Variants in DIAPH3 observed in about 807,000 individuals in gnomAD.
DIAPH3 encodes the protein protein diaphanous homolog 3.
In DIAPH3, 117 loss-of-function variants were observed where a neutral mutation model predicts 144.3. The observed-to-expected ratio is 0.81, with a 90% CI of 0.70 to 0.95. DIAPH3 has a LOEUF of 0.95. Ranked by LOEUF, DIAPH3 falls within the 40% of genes least tolerant of loss-of-function variation. DIAPH3 has a pLI of 0.00. For missense variants in DIAPH3, 1,421 were observed against 1,412.7 expected (o/e 1.01, Z -0.09); for synonymous variants, 519 against 488.9 (o/e 1.06, Z -0.81).
In DIAPH3 at chr13:59,894,175, C is replaced by T. The variant is rs546196017; in HGVS notation, c.2368-14707G>A. ...CTTCAGTAATAAAGTATACCCGTTG[C>T]TATTGTCTGAGGATATCAGAAGGGC... On this transcript the variant is annotated intron_variant, in intron 20 of 27. Coordinates refer to ENST00000400324, the MANE Select transcript of DIAPH3 (RefSeq NM_001042517.2). 2.6e-5 allele frequency among the ~76,000 whole-genome samples: 4 copies of T among 151,824 alleles called. No homozygotes were observed. In the South Asian group the frequency reaches 8.3e-4, roughly 32 times the overall value.
Position 59,962,723 on chromosome 13 carries a change from C to T in DIAPH3, c.2074+7221G>A, listed in dbSNP as rs533872172. Among the ~76,000 whole-genome samples, 4 of 151,992 alleles carry T rather than the reference C, an allele frequency of 2.6e-5. No homozygotes were observed. The South Asian group carries it at 8.3e-4, about 32-fold the overall frequency. ...TTGCATCCTGACCCTTAAAAAAAAA[C>T]ACATTTACACTCCAGCATCTCTGTG... is the stretch of plus-strand genomic sequence containing the variant. On this transcript the variant is annotated intron_variant, in intron 17 of 27. Coordinates refer to ENST00000400324, the MANE Select transcript of DIAPH3 (RefSeq NM_001042517.2).
At chr13:60,048,813 G>A (rs1051787902) in intron 4 of DIAPH3, among the ~76,000 whole-genome samples, 1 of 52,106 alleles carries the variant, frequency 1.9e-5, no homozygotes, top group African/African-American at 7.9e-5. Flanking sequence ...TACTAGAGTA[G>A]TGAGAATTTG....
intron 26 of DIAPH3, 33 bp from the exon 27 acceptor site, chr13:59,774,281 T>G (rs990598876): frequency 6.4e-7 from 1 of 1,562,870 alleles, no homozygotes; most frequent in African/African-American, 1.4e-5. Context: ...AAACTTAATA[T>G]AGAGGTCTGG....
chr13:59,726,062 A>G lies in DIAPH3; in HGVS notation c.3319+48127T>C, dbSNP rs542437082. ...ATAGCTGCCATATTTAACAGAATAT[A>G]AAAAGCCTATTCCATTCTATGAATT... On this transcript the variant is annotated intron_variant, in intron 27 of 27. Transcript: ENST00000400324. Among the ~76,000 whole-genome samples, 74 of 152,376 alleles carry G rather than the reference A, an allele frequency of 4.9e-4. No homozygotes were observed. In the South Asian group the frequency reaches 0.01, roughly 21 times the overall value.
intron 25 of DIAPH3, among the ~76,000 whole-genome samples, chr13:59,809,244 G>A (rs1485358594): frequency 6.6e-6 from 1 of 152,184 alleles, no homozygotes; most frequent in Non-Finnish European, 1.5e-5. Flanking sequence ...GCTCACGCCT[G>A]TAATCCCAGC....
At chr13:60,028,744 A>G (rs1331009003) in intron 5 of DIAPH3, among the ~76,000 whole-genome samples, 2 of 152,096 alleles carry the variant, frequency 1.3e-5, no homozygotes, top group Non-Finnish European at 2.9e-5. Context: ...TCTTTTAAAC[A>G]TGTCAAACTT....
At chr13:59,764,963 C>T (rs1295833447) in intron 27 of DIAPH3, among the ~76,000 whole-genome samples, 1 of 152,068 alleles carries the variant, frequency 6.6e-6, no homozygotes, top group Non-Finnish European at 1.5e-5. Flanking sequence ...ATCGTTTTCT[C>T]CATCCTTCCC....
At chr13:59,774,101 A>C in intron 27 of DIAPH3, 88 bp downstream of exon 27, 1 of 1,309,932 alleles carries the variant, frequency 7.6e-7, no homozygotes, top group South Asian at 1.3e-5. Context: ...TTGGAACTTG[A>C]GAATTTCACA....
At chr13:59,731,220 T>A (rs1281828299) in intron 27 of DIAPH3, among the ~76,000 whole-genome samples, 1 of 152,194 alleles carries the variant, frequency 6.6e-6, no homozygotes, top group Non-Finnish European at 1.5e-5. Flanking sequence ...AAGGTGGACA[T>A]GTAAAGTCTA....
chr13:60,145,635 C>T (rs1279893991), intron 1 of DIAPH3, among the ~76,000 whole-genome samples: 2 of 152,138 alleles, frequency 1.3e-5, no homozygotes, highest in Admixed American at 1.3e-4. Flanking sequence ...GGTGACAGAG[C>T]GAGACTCCGT....
At chr13:59,833,019 C>T in intron 24 of DIAPH3, 88 bp downstream of exon 24, 1 of 998,928 alleles carries the variant, frequency 1.0e-6, no homozygotes, top group Non-Finnish European at 1.5e-6. Flanking sequence ...GGTTTTCCTA[C>T]AGCAACAAGA....
At chr13:59,687,928 G>A (rs1345963136) in intron 27 of DIAPH3, among the ~76,000 whole-genome samples, 1 of 151,976 alleles carries the variant, frequency 6.6e-6, no homozygotes, top group African/African-American at 2.4e-5. Context: ...ACATATTGGT[G>A]TCTAAATTTA....
chr13:59,814,933 T>C (rs1486750286), intron 24 of DIAPH3, among the ~76,000 whole-genome samples: 1 of 152,264 alleles, frequency 6.6e-6, no homozygotes, highest in African/African-American at 2.4e-5. Flanking sequence ...GATCATATTA[T>C]GGTATTTGTC....
chr13:60,082,348 T>A, intron 4 of DIAPH3, among the ~76,000 whole-genome samples: 2 of 143,114 alleles, frequency 1.4e-5, no homozygotes, highest in African/African-American at 5.2e-5. Context: ...GATAACAGAA[T>A]CCATGAAAAA....
chr13:60,109,840 G>A (rs900372625), intron 3 of DIAPH3, among the ~76,000 whole-genome samples: 11 of 152,190 alleles, frequency 7.2e-5, no homozygotes, highest in Admixed American at 7.2e-4. Context: ...AGAAACGTAA[G>A]TTGTAAATGT....
intron 1 of DIAPH3, among the ~76,000 whole-genome samples, chr13:60,145,870 A>G (rs1772086909): frequency 6.6e-6 from 1 of 152,194 alleles, no homozygotes; most frequent in Non-Finnish European, 1.5e-5. Flanking sequence ...TACACTCCCA[A>G]TTCAGACTGA....
chr13:60,014,011 A>C (rs2053458568), intron 7 of DIAPH3, among the ~76,000 whole-genome samples: 1 of 152,082 alleles, frequency 6.6e-6, no homozygotes, highest in Non-Finnish European at 1.5e-5. Context: ...AAAATCTCTT[A>C]AGAGAAAAAT....
At chr13:59,786,533 T>A (rs1206068818) in intron 25 of DIAPH3, among the ~76,000 whole-genome samples, 2 of 152,234 alleles carry the variant, frequency 1.3e-5, no homozygotes, top group South Asian at 2.1e-4. Context: ...GCTATTTATC[T>A]GCTCACTTAA....
intron 19 of DIAPH3, among the ~76,000 whole-genome samples, chr13:59,913,593 C>CA (rs2047094246): frequency 6.6e-6 from 1 of 152,160 alleles, no homozygotes; most frequent in Admixed American, 6.5e-5. Flanking sequence ...CCTTGCTTTA[C>CA]AATTATGTAT....
Sources: gnomAD v4.1 joint callset for allele counts (sites outside exome capture counted in the v4.1 genomes callset) on GRCh38, gnomAD v4.1.1 for gene constraint, MANE v1.5 for transcripts, NCBI Gene and HGNC (gene_info 2026-07-23, HGNC 2026-07-21) for gene names.